GATAD2A: variants seen among roughly 807,000 people sequenced by gnomAD.
GATAD2A encodes the protein GATA zinc finger domain containing 2A.
In GATAD2A, 12 loss-of-function variants were observed where a neutral mutation model predicts 68.5. That is an observed-to-expected ratio of 0.18 (90% CI 0.11 to 0.28). The LOEUF (loss-of-function observed/expected upper bound fraction) is 0.28. Ranked by LOEUF, GATAD2A falls within the 10% of genes least tolerant of loss-of-function variation. The pLI is 1.00. For missense variants in GATAD2A, 755 were observed against 868.5 expected (o/e 0.87, Z 1.64); for synonymous variants, 410 against 375.3 (o/e 1.09, Z -1.07).
intron 4 of GATAD2A, among the ~76,000 whole-genome samples, chr19:19,493,621 C>T (rs1447999469): frequency 6.6e-6 from 1 of 152,148 alleles, no homozygotes; most frequent in Non-Finnish European, 1.5e-5. Flanking sequence ...TAGTCATTGC[C>T]TCAGTGACCC....
chr19:19,396,314 GA>G (rs893388252), intron 1 of GATAD2A, among the ~76,000 whole-genome samples: 11 of 150,956 alleles, frequency 7.3e-5, no homozygotes, highest in Non-Finnish European at 1.5e-4. Flanking sequence ...AACTCCGTCT[GA>G]AAAAAAAATC....
chr19:19,441,815 T>C (rs10408401), intron 1 of GATAD2A: 65,862 of 153,026 alleles, frequency 0.43, 15,584 homozygotes, highest in African/African-American at 0.63. Context: ...CCACCCGCCT[T>C]GGCCTCCCAA....
chr19:19,465,749 G>T, intron 2 of GATAD2A, 135 bp downstream of exon 2: 5 of 1,043,498 alleles, frequency 4.8e-6, no homozygotes, highest in South Asian at 3.2e-5. Context: ...GCTCAGCTCG[G>T]GCATCACCCA....
intron 2 of GATAD2A, among the ~76,000 whole-genome samples, chr19:19,482,766 C>T (rs753359170): frequency 1.5e-4 from 23 of 152,116 alleles, no homozygotes; most frequent in Non-Finnish European, 2.6e-4. Context: ...TTCATTTCTT[C>T]GATTGTAGTC....
intron 2 of GATAD2A, among the ~76,000 whole-genome samples, chr19:19,482,816 C>A (rs962925931): frequency 6.6e-6 from 1 of 152,156 alleles, no homozygotes; most frequent in Non-Finnish European, 1.5e-5. Context: ...CTAAGCAGAA[C>A]GTGCTGGATT....
chr19:19,448,573 C>T (rs1180482121), intron 1 of GATAD2A, among the ~76,000 whole-genome samples: 1 of 152,200 alleles, frequency 6.6e-6, no homozygotes, highest in African/African-American at 2.4e-5. Context: ...ACTGCAACCT[C>T]CGCCTGCCGG....
At chr19:19,397,541 A>G (rs148442456) in intron 1 of GATAD2A, among the ~76,000 whole-genome samples, 4 of 152,296 alleles carry the variant, frequency 2.6e-5, no homozygotes, top group African/African-American at 4.8e-5. Flanking sequence ...TGAGCTTTCA[A>G]TAAACATTTT....
chr19:19,406,718 C>G (rs1046623484), intron 1 of GATAD2A, among the ~76,000 whole-genome samples: 2 of 152,170 alleles, frequency 1.3e-5, no homozygotes, highest in Non-Finnish European at 2.9e-5. Flanking sequence ...AGCAGCTGGC[C>G]TTTTAAAGGG....
At chr19:19,464,899 G>A (rs777524320) in intron 1 of GATAD2A, 16 of 239,138 alleles carry the variant, frequency 6.7e-5, no homozygotes, top group Non-Finnish European at 1.2e-4. Flanking sequence ...CCCCGACCCT[G>A]CTCCTGGAAC....
chr19:19,494,770 C>T (rs1414992721), intron 5 of GATAD2A, among the ~76,000 whole-genome samples: 3 of 152,178 alleles, frequency 2.0e-5, no homozygotes, highest in African/African-American at 7.2e-5. Flanking sequence ...CAGAAGAGGC[C>T]CTCCTGCCCC....
At chr19:19,504,709 G>A (rs2060772817) in intron 11 of GATAD2A, among the ~76,000 whole-genome samples, 1 of 148,182 alleles carries the variant, frequency 6.7e-6, no homozygotes, top group Non-Finnish European at 1.5e-5. Flanking sequence ...ATGCAGTAGC[G>A]CGATCATAGC....
At position 19,505,936 on chromosome 19, in the gene GATAD2A, T is replaced by G. The variant is rs2060848124; in HGVS notation, c.*462T>G. 1 of 399,042 alleles carries G rather than the reference T, an allele frequency of 2.5e-6. No individual in the cohort carries two copies. Among genetic ancestry groups the G allele is most frequent in the African/African-American group, 2.1e-5 (1 of 48,610 alleles). The allele number at this position is 399,042 out of a possible 1,614,324, so 24.7% of individuals were successfully genotyped here. A position where few individuals can be genotyped will look rare whatever the true frequency, so the allele number is the denominator to read the frequency against. On this transcript the variant is annotated 3_prime_UTR_variant, in exon 12 of 12. Coordinates refer to ENST00000683918, the MANE Select transcript of GATAD2A (RefSeq NM_001384528.1). Reference sequence around the variant, plus strand: ...TTTTCCCTGTCTTAGGCTCCCAGTCTTTGACTGCCTTCCCATGGCGATCTA... The same window carrying G: ...TTTTCCCTGTCTTAGGCTCCCAGTCGTTGACTGCCTTCCCATGGCGATCTA...
At chr19:19,504,821 T>G (rs1001653599) in intron 11 of GATAD2A, among the ~76,000 whole-genome samples, 1 of 151,966 alleles carries the variant, frequency 6.6e-6, no homozygotes, top group Non-Finnish European at 1.5e-5. Context: ...GCTGATATTT[T>G]TTTTAGAGAT....
intron 1 of GATAD2A, among the ~76,000 whole-genome samples, chr19:19,412,241 C>T (rs150069683): frequency 1.0e-3 from 153 of 151,718 alleles, no homozygotes; most frequent in African/African-American, 3.5e-3. Context: ...CTGCAAGCTC[C>T]GCCTCCGGGG....
chr19:19,411,621 T>C (rs1356088732), intron 1 of GATAD2A, among the ~76,000 whole-genome samples: 5 of 152,210 alleles, frequency 3.3e-5, no homozygotes, highest in Admixed American at 2.0e-4. Context: ...ACTGACGATA[T>C]GCAGTTTACC....
chr19:19,497,236 C>G (rs907258264), intron 7 of GATAD2A, among the ~76,000 whole-genome samples: 2 of 152,238 alleles, frequency 1.3e-5, no homozygotes, highest in African/African-American at 4.8e-5. Flanking sequence ...GCTGGGACTA[C>G]AGGCGCCTGC....
intron 2 of GATAD2A, among the ~76,000 whole-genome samples, chr19:19,476,801 G>C (rs1009054909): frequency 6.6e-6 from 1 of 152,222 alleles, no homozygotes; most frequent in Admixed American, 6.5e-5. Flanking sequence ...TCACACCCAG[G>C]GGGGCAGTGT....
chr19:19,413,804 C>T (rs1023215341), intron 1 of GATAD2A, among the ~76,000 whole-genome samples: 8 of 152,092 alleles, frequency 5.3e-5, no homozygotes, highest in Admixed American at 2.6e-4. Flanking sequence ...AGGCTGGTCT[C>T]GAACTCCTGA....
Position 19,501,548 on chromosome 19 carries a change from G to C in GATAD2A, c.1503+132G>C, listed in dbSNP as rs1055061253. On this transcript the variant is annotated intron_variant, in intron 9 of 11. Transcript: ENST00000683918. ...ATTGCAGTTAATGGTGGTGTTGGGC[G>C]GCAAAAACACTAATTTGCAGTTTCT... is the stretch of plus-strand genomic sequence containing the variant. 24 of 728,904 alleles carry C rather than the reference G, an allele frequency of 3.3e-5. No homozygotes were observed. In the African/African-American group the frequency reaches 3.7e-4, roughly 11 times the overall value. The allele number at this position is 728,904 out of a possible 1,614,324, so 45.2% of individuals were successfully genotyped here. A position where few individuals can be genotyped will look rare whatever the true frequency, so the allele number is the denominator to read the frequency against.
Sources: allele counts gnomAD v4.1 joint callset (sites outside exome capture counted in the v4.1 genomes callset), GRCh38; gene constraint gnomAD v4.1.1; transcripts MANE v1.5; gene names NCBI Gene and HGNC (gene_info 2026-07-23, HGNC 2026-07-21).